Variants in FNBP1 observed in about 807,000 individuals in gnomAD.
The protein encoded by FNBP1 is formin binding protein 1.
FNBP1 carries 26 observed loss-of-function variants against 90.6 expected under a neutral mutation model. The observed-to-expected ratio is 0.29, with a 90% CI of 0.21 to 0.40. The LOEUF (loss-of-function observed/expected upper bound fraction) is 0.40. Among genes scored for constraint, FNBP1 ranks in the 10% least tolerant of loss-of-function variants. The probability of loss-of-function intolerance (pLI) is 1.00; values close to 1 mark genes in which losing one functional copy is unlikely to be tolerated. For synonymous variants in FNBP1, 260 were observed against 265.2 expected, an observed-to-expected ratio of 0.98 and a Z score of 0.19; for missense variants, 635 against 768.0, an observed-to-expected ratio of 0.83 and a Z score of 2.05.
chr9:130,036,292 C>T (rs2059305926), intron 1 of FNBP1, among the ~76,000 whole-genome samples: 1 of 152,166 alleles, frequency 6.6e-6, no homozygotes. Context: ...ATAATATTAG[C>T]TTTAGCTGCT....
At chr9:129,939,346 A>C (rs993142445) in intron 6 of FNBP1, among the ~76,000 whole-genome samples, 48 of 151,866 alleles carry the variant, frequency 3.2e-4, no homozygotes, top group Non-Finnish European at 5.1e-4. Flanking sequence ...CCGAGACTGC[A>C]CCACTGAACT....
chr9:129,940,719 C>T (rs1053992345), intron 6 of FNBP1, among the ~76,000 whole-genome samples: 7 of 152,016 alleles, frequency 4.6e-5, no homozygotes, highest in African/African-American at 1.2e-4. Flanking sequence ...CTCTGCCTCC[C>T]GGGTTCAAGC....
In FNBP1 at chr9:129,991,970, C is replaced by T. The variant is rs547136635; in HGVS notation, c.140+2873G>A. Reference sequence around the variant, plus strand: ...CACCGCGCCCAGCCAAGTTTTTAGACATTTCTAAGTGGAGACTTTGAGCAA... The same window carrying T: ...CACCGCGCCCAGCCAAGTTTTTAGATATTTCTAAGTGGAGACTTTGAGCAA... On this transcript the variant is annotated intron_variant, in intron 2 of 16. Transcript: ENST00000446176. Among the ~76,000 whole-genome samples the T allele has an allele frequency of 5.9e-5, 9 of 152,250 alleles. No homozygotes were observed. The South Asian group carries it at 1.7e-3, about 28-fold the overall frequency.
intron 1 of FNBP1, among the ~76,000 whole-genome samples, chr9:130,019,731 G>A (rs1246685080): frequency 6.6e-6 from 1 of 152,044 alleles, no homozygotes; most frequent in African/African-American, 2.4e-5. Flanking sequence ...AATGCATAAT[G>A]CTTATTTTAT....
intron 1 of FNBP1, among the ~76,000 whole-genome samples, chr9:130,014,395 G>A (rs1263672024): frequency 6.6e-6 from 1 of 151,922 alleles, no homozygotes; most frequent in Non-Finnish European, 1.5e-5. Flanking sequence ...GGGAATACAG[G>A]TGCACGCCAC....
At chr9:129,919,883 C>T (rs755117457) in intron 10 of FNBP1, among the ~76,000 whole-genome samples, 7 of 152,174 alleles carry the variant, frequency 4.6e-5, no homozygotes, top group Non-Finnish European at 7.3e-5. Flanking sequence ...ATGTTGGTCA[C>T]GGAAGCTGTC....
chr9:129,979,260 G>C (rs547706363), intron 3 of FNBP1, 58 bp downstream of exon 3: 1 of 967,728 alleles, frequency 1.0e-6, no homozygotes, highest in Non-Finnish European at 1.6e-6. Flanking sequence ...TCTCCTTTCC[G>C]TGTGTAGTCA....
At chr9:130,032,325 T>C (rs1360405979) in intron 1 of FNBP1, among the ~76,000 whole-genome samples, 1 of 152,000 alleles carries the variant, frequency 6.6e-6, no homozygotes, top group Non-Finnish European at 1.5e-5. Flanking sequence ...CATGCACCAC[T>C]ATGCCCAGGT....
intron 1 of FNBP1, among the ~76,000 whole-genome samples, chr9:130,008,732 A>G (rs1486731999): frequency 6.6e-6 from 1 of 152,124 alleles, no homozygotes; most frequent in Admixed American, 6.6e-5. Flanking sequence ...TCTCTTTCCC[A>G]AGCTTGATCA....
At chr9:129,932,988 A>C (rs965860037) in intron 6 of FNBP1, among the ~76,000 whole-genome samples, 16 of 151,984 alleles carry the variant, frequency 1.1e-4, no homozygotes, top group South Asian at 4.1e-4. Context: ...TTCCCATTAG[A>C]CCTCAAATTT....
the FNBP1 span, among the ~76,000 whole-genome samples, chr9:130,051,958 G>A: frequency 6.6e-6 from 1 of 152,218 alleles, no homozygotes; most frequent in Non-Finnish European, 1.5e-5. Context: ...AATGTTGCCA[G>A]GAGAAGCAGG....
intron 1 of FNBP1, among the ~76,000 whole-genome samples, chr9:130,006,893 T>C (rs1202214504): frequency 6.6e-6 from 1 of 152,014 alleles, no homozygotes; most frequent in African/African-American, 2.4e-5. Flanking sequence ...AAATAAAACT[T>C]AGCTGAAGTT....
chr9:129,964,434 T>C (rs189117479), intron 4 of FNBP1, among the ~76,000 whole-genome samples: 1 of 152,156 alleles, frequency 6.6e-6, no homozygotes, highest in East Asian at 1.9e-4. Context: ...AATAATAAGC[T>C]AAAACAAACA....
At chr9:129,926,992 C>T (rs1164335655) in intron 8 of FNBP1, among the ~76,000 whole-genome samples, 1 of 152,024 alleles carries the variant, frequency 6.6e-6, no homozygotes, top group African/African-American at 2.4e-5. Flanking sequence ...CAATTCAATT[C>T]TGTCATGTCT....
chr9:129,967,847 C>G (rs1244003237), intron 4 of FNBP1, among the ~76,000 whole-genome samples: 1 of 152,170 alleles, frequency 6.6e-6, no homozygotes, highest in East Asian at 1.9e-4. Context: ...AGTATGTTAT[C>G]CCATGAATGA....
At position 129,994,929 on chromosome 9, in the gene FNBP1, T is replaced by A. The variant is rs1564527768; in HGVS notation, c.54A>T (p.Thr18=). ...TCTCAAGAATATCAATTCCCCACTG[T>A]GTGTGTTTTTCTAAGTTGTCAAACT... is the stretch of plus-strand genomic sequence containing the variant. ...WDQFDNLEKH[T]QWGIDILEKY... is the part of the protein sequence containing the mutation. The change falls in exon 2 of 17, where the codon ACA becomes ACT. Residue 18 remains threonine, a synonymous_variant. Coordinates refer to ENST00000446176, the MANE Select transcript of FNBP1 (RefSeq NM_015033.3). The A allele has an allele frequency of 6.2e-7, 1 of 1,603,254 alleles. No individual in the cohort carries two copies. The highest frequency in any genetic ancestry group is 1.3e-5 in the African/African-American group (1 of 74,832).
intron 6 of FNBP1, among the ~76,000 whole-genome samples, chr9:129,950,248 AT>A (rs2045967775): frequency 6.6e-6 from 1 of 152,214 alleles, no homozygotes; most frequent in Non-Finnish European, 1.5e-5. Context: ...CCAAAGCAAA[AT>A]AACTTAAGAA....
At position 129,978,607 on chromosome 9, in the gene FNBP1, G is replaced by A. The variant is rs374539988; in HGVS notation, c.203C>T (p.Thr68Met). The A allele has an allele frequency of 3.7e-6, 6 of 1,613,204 alleles. No individual in the cohort carries two copies. Among genetic ancestry groups the A allele is most frequent in the African/African-American group, 1.3e-5 (1 of 74,808 alleles). ...GTTGGAAATGAAAGCTTTACATGAC[G>A]TATACCTATGGAACAGAACACACGC... is the stretch of plus-strand genomic sequence containing the variant. Reference protein sequence around the residue: ...NSKEEEEYKYTSCKAFISNLN... With the variant: ...NSKEEEEYKYMSCKAFISNLN... The change falls in exon 4 of 17, where the codon ACG becomes ATG. Residue 68 changes from threonine (T) to methionine (M), a missense_variant. Transcript: ENST00000446176.
At position 129,907,829 on chromosome 9, in the gene FNBP1, T is replaced by C. The variant is rs184512419; in HGVS notation, c.1295+1061A>G. Reference sequence around the variant, plus strand: ...CTGCAAGCTCCGCCTCCCGGGTTCATGCCATTCTCCTGTCTCAGCCTCCCA... The same window carrying C: ...CTGCAAGCTCCGCCTCCCGGGTTCACGCCATTCTCCTGTCTCAGCCTCCCA... On this transcript the variant is annotated intron_variant, in intron 12 of 16. Transcript: ENST00000446176. 1.2e-3 allele frequency among the ~76,000 whole-genome samples: 188 copies of C among 151,570 alleles called. 1 individual carries two copies. Among genetic ancestry groups the C allele is most frequent in the African/African-American group, 4.3e-3 (176 of 41,348 alleles).
Sources: allele counts gnomAD v4.1 joint callset (sites outside exome capture counted in the v4.1 genomes callset), GRCh38; gene constraint gnomAD v4.1.1; transcripts MANE v1.5; gene names NCBI Gene and HGNC (gene_info 2026-07-23, HGNC 2026-07-21).